Variants in SYT1 observed in about 807,000 individuals in gnomAD.
The protein encoded by SYT1 is synaptotagmin 1, also known as synaptotagmin-1.
A neutral mutation model predicts 44.8 loss-of-function variants in SYT1; 8 were observed. That is an observed-to-expected ratio of 0.18 (90% CI 0.10 to 0.32). The LOEUF (loss-of-function observed/expected upper bound fraction) is 0.32. Ranked by LOEUF, SYT1 falls within the 10% of genes least tolerant of loss-of-function variation. The pLI is 1.00. For synonymous variants in SYT1, 154 were observed against 188.8 expected, an observed-to-expected ratio of 0.82 and a Z score of 1.51; for missense variants, 286 against 509.3, an observed-to-expected ratio of 0.56 and a Z score of 4.22.
intron 8 of SYT1, among the ~76,000 whole-genome samples, chr12:79,317,969 G>A (rs927540620): frequency 2.0e-5 from 3 of 152,214 alleles, no homozygotes; most frequent in African/African-American, 7.2e-5. Flanking sequence ...TTTTGGAATG[G>A]CATTACTGAT....
intron 3 of SYT1, among the ~76,000 whole-genome samples, chr12:79,050,510 C>T (rs183921982): frequency 2.9e-4 from 44 of 152,156 alleles, no homozygotes; most frequent in African/African-American, 1.0e-3. Flanking sequence ...TCTGATCACA[C>T]TGGATACTAA....
rs529493167 is a variant in SYT1, at chr12:78,869,055, G to A, written c.-217+3946G>A. 1.1e-4 allele frequency: 16 copies of A among 151,894 alleles called. No homozygotes were observed. In the South Asian group the frequency reaches 3.3e-3, roughly 32 times the overall value. 9.4% of individuals were successfully genotyped at this position (151,894 alleles called of 1,614,324 possible). On this transcript the variant is annotated intron_variant, in intron 1 of 10. Transcript: ENST00000261205. The stretch of plus-strand genomic sequence containing the variant: ...TCTTAATTTTTTATGTAATTGAATG[G>A]CATGATTATCATTGCATTGGGTGGG...
chr12:79,176,845 G>A (rs1013094033), intron 3 of SYT1, among the ~76,000 whole-genome samples: 2 of 151,772 alleles, frequency 1.3e-5, no homozygotes, highest in Non-Finnish European at 1.5e-5. Flanking sequence ...ACCCTACGTA[G>A]TTTACAATAC....
intron 3 of SYT1, among the ~76,000 whole-genome samples, chr12:79,173,365 A>G (rs537817965): frequency 3.3e-5 from 5 of 152,132 alleles, no homozygotes; most frequent in African/African-American, 1.2e-4. Context: ...AGCGTGCTTA[A>G]TTTCTTCCCC....
At chr12:79,058,201 T>A (rs767889663) in intron 3 of SYT1, among the ~76,000 whole-genome samples, 4 of 152,054 alleles carry the variant, frequency 2.6e-5, no homozygotes, top group Non-Finnish European at 4.4e-5. Flanking sequence ...TTTTAAGATG[T>A]TTTCTTTCCA....
intron 1 of SYT1, among the ~76,000 whole-genome samples, chr12:78,874,894 T>G (rs1294200504): frequency 1.3e-5 from 2 of 151,638 alleles, no homozygotes; most frequent in Non-Finnish European, 3.0e-5. Context: ...TGTCCTTGCC[T>G]TACTCTGTTT....
chr12:79,257,790 G>A (rs910200453), intron 4 of SYT1, among the ~76,000 whole-genome samples: 3 of 152,124 alleles, frequency 2.0e-5, no homozygotes, highest in Non-Finnish European at 4.4e-5. Context: ...CGAATAAACC[G>A]AGAAAGAAAA....
chr12:79,294,491 C>T (rs1592938844), intron 6 of SYT1, among the ~76,000 whole-genome samples: 3 of 152,188 alleles, frequency 2.0e-5, no homozygotes, highest in Admixed American at 2.0e-4. Flanking sequence ...AATTAAGACG[C>T]TTTCATGGTA....
intron 8 of SYT1, among the ~76,000 whole-genome samples, chr12:79,347,042 T>C (rs1344636036): frequency 2.9e-5 from 3 of 101,884 alleles, no homozygotes; most frequent in African/African-American, 1.7e-4. Context: ...TTGTTTTTTC[T>C]TTTTTTTTTT....
intron 2 of SYT1, among the ~76,000 whole-genome samples, chr12:79,018,738 CT>C (rs1871978605): frequency 6.6e-6 from 1 of 151,932 alleles, no homozygotes; most frequent in Non-Finnish European, 1.5e-5. Context: ...CATTATTTAC[CT>C]TCAGTAAGCA....
chr12:79,039,930 T>C (rs1172671926), intron 2 of SYT1, among the ~76,000 whole-genome samples: 87 of 146,482 alleles, frequency 5.9e-4, no homozygotes, highest in Non-Finnish European at 1.0e-3. Flanking sequence ...ATTTCATCCA[T>C]GTCCCTACAA....
chr12:79,319,562 G>A (rs1881257594), intron 8 of SYT1, among the ~76,000 whole-genome samples: 1 of 152,136 alleles, frequency 6.6e-6, no homozygotes, highest in South Asian at 2.1e-4. Context: ...CTCCACACAT[G>A]CCCTATAGTT....
At chr12:79,256,729 C>A (rs1423559687) in intron 4 of SYT1, among the ~76,000 whole-genome samples, 1 of 152,176 alleles carries the variant, frequency 6.6e-6, no homozygotes, top group Non-Finnish European at 1.5e-5. Flanking sequence ...ATTTTTAATG[C>A]CAGTTACTCT....
Position 79,140,437 on chromosome 12 carries a change from C to T in SYT1, c.-17-77066C>T, listed in dbSNP as rs187892705. Among the ~76,000 whole-genome samples the T allele has an allele frequency of 5.7e-3, 870 of 152,138 alleles. 8 individuals are homozygous for T. Among genetic ancestry groups the T allele is most frequent in the African/African-American group, 0.02 (824 of 41,504 alleles). On this transcript the variant is annotated intron_variant, in intron 3 of 10. Transcript: ENST00000261205. ...AGTATGCCTTTACCTAGGTGCTTTC[C>T]GTATATAGTGTGATCTTAATAGTCA...
intron 3 of SYT1, among the ~76,000 whole-genome samples, chr12:79,116,506 A>G (rs531134479): frequency 6.6e-6 from 1 of 152,306 alleles, no homozygotes; most frequent in East Asian, 1.9e-4. Flanking sequence ...GTCTTATTTC[A>G]TAAGTGAGGA....
chr12:79,299,424 C>T lies in SYT1; in HGVS notation c.683C>T (p.Ala228Val). Residue 228 changes from alanine to valine, a missense_variant, in exon 8 of 11, where the codon GCT becomes GTT. Ala to Val is a moderately conservative substitution (Grantham distance 64). Transcript: ENST00000261205. ...TTGGGTGGCAAAACCCTAGTGATGGCTGTATATGATTTTGATCGTTTCTCT... is the reference window on the plus strand; with the variant it reads ...TTGGGTGGCAAAACCCTAGTGATGGTTGTATATGATTTTGATCGTTTCTCT... ...SELGGKTLVM[A>V]VYDFDRFSKH... 1.9e-6 allele frequency: 3 copies of T among 1,613,422 alleles called. No individual in the cohort carries two copies. Among genetic ancestry groups the T allele is most frequent in the Non-Finnish European group, 2.5e-6 (3 of 1,179,576 alleles).
At chr12:79,410,805 T>C (rs1425569106) in intron 9 of SYT1, among the ~76,000 whole-genome samples, 1 of 152,188 alleles carries the variant, frequency 6.6e-6, no homozygotes, top group Non-Finnish European at 1.5e-5. Flanking sequence ...CATGTATTTG[T>C]AGGCTTATTG....
At chr12:78,979,012 C>T (rs1869051280) in intron 2 of SYT1, among the ~76,000 whole-genome samples, 1 of 152,186 alleles carries the variant, frequency 6.6e-6, no homozygotes, top group Non-Finnish European at 1.5e-5. Context: ...TTTCTCCTAT[C>T]TCTTGCAGTA....
intron 3 of SYT1, among the ~76,000 whole-genome samples, chr12:79,079,982 A>G (rs1876917242): frequency 6.6e-6 from 1 of 152,058 alleles, no homozygotes; most frequent in Non-Finnish European, 1.5e-5. Flanking sequence ...ATTGAATTTA[A>G]TCTTAATTCA....
Sources: gnomAD v4.1 joint callset for allele counts (sites outside exome capture counted in the v4.1 genomes callset) on GRCh38, gnomAD v4.1.1 for gene constraint, MANE v1.5 for transcripts, NCBI Gene and HGNC (gene_info 2026-07-23, HGNC 2026-07-21) for gene names.